NTM: variants seen among roughly 807,000 people sequenced by gnomAD.
The protein encoded by NTM is IgLON family member 2.
NTM carries 13 observed loss-of-function variants against 42.1 expected under a neutral mutation model. The ratio of observed to expected loss-of-function variants is 0.31; its 90% CI spans 0.20 to 0.49. NTM has a LOEUF of 0.49. Among genes scored for constraint, NTM ranks in the 20% least tolerant of loss-of-function variants. The pLI, the probability that NTM is intolerant of heterozygous loss-of-function variation, is 0.99. For missense variants in NTM, 373 were observed against 452.8 expected, an observed-to-expected ratio of 0.82 and a Z score of 1.60; for synonymous variants, 187 against 179.2, an observed-to-expected ratio of 1.04 and a Z score of -0.35.
chr11:131,788,362 A>G (rs2089614456), intron 1 of NTM, among the ~76,000 whole-genome samples: 1 of 152,052 alleles, frequency 6.6e-6, no homozygotes, highest in Non-Finnish European at 1.5e-5. Flanking sequence ...ATAATTGCCT[A>G]TATATTATAT....
At chr11:131,674,722 ATTTCC>A (rs1485386449) in intron 1 of NTM, among the ~76,000 whole-genome samples, 6 of 152,076 alleles carry the variant, frequency 3.9e-5, no homozygotes, top group Non-Finnish European at 7.4e-5. Context: ...TGCAAGCCTG[ATTTCC>A]CTGTCTGGTT....
intron 1 of NTM, among the ~76,000 whole-genome samples, chr11:131,588,996 C>A (rs369145584): frequency 6.6e-6 from 1 of 152,126 alleles, no homozygotes; most frequent in South Asian, 2.1e-4. Context: ...TGGAGCCTCA[C>A]GCTGCAGAGG....
At chr11:132,129,357 T>G (rs2066423428) in intron 2 of NTM, among the ~76,000 whole-genome samples, 1 of 152,198 alleles carries the variant, frequency 6.6e-6, no homozygotes, top group Non-Finnish European at 1.5e-5. Flanking sequence ...ATTCAGAGTC[T>G]CTGGCACTAT....
intron 7 of NTM, 133 bp from the exon 8 acceptor site, chr11:132,330,020 G>A: frequency 1.4e-6 from 2 of 1,417,850 alleles, no homozygotes; most frequent in Non-Finnish European, 1.9e-6. Context: ...AGGACAGCAA[G>A]GGACATGGGC....
intron 1 of NTM, among the ~76,000 whole-genome samples, chr11:131,458,643 C>T (rs1006237113): frequency 6.6e-6 from 1 of 152,206 alleles, no homozygotes; most frequent in Non-Finnish European, 1.5e-5. Flanking sequence ...TGTCTTATCT[C>T]TAGCACCTAG....
At chr11:131,986,524 T>C (rs556965485) in intron 2 of NTM, among the ~76,000 whole-genome samples, 3 of 152,354 alleles carry the variant, frequency 2.0e-5, no homozygotes. Flanking sequence ...TATCATGTCA[T>C]GAAATATGTG....
chr11:132,041,648 G>A (rs1447038867), intron 2 of NTM, among the ~76,000 whole-genome samples: 1 of 152,138 alleles, frequency 6.6e-6, no homozygotes, highest in Non-Finnish European at 1.5e-5. Flanking sequence ...TCTCTCCACG[G>A]TAAATGGGAG....
intron 1 of NTM, among the ~76,000 whole-genome samples, chr11:131,495,818 A>C (rs1164028934): frequency 6.6e-6 from 1 of 152,132 alleles, no homozygotes; most frequent in East Asian, 1.9e-4. Context: ...CTCCCAGCCA[A>C]CCCTAACTGA....
intron 1 of NTM, among the ~76,000 whole-genome samples, chr11:131,432,613 A>G (rs1948740834): frequency 6.6e-6 from 1 of 152,070 alleles, no homozygotes; most frequent in Non-Finnish European, 1.5e-5. Flanking sequence ...AAAATCGTGT[A>G]TTTTTTGTGA....
chr11:131,762,986 C>T (rs777868256), intron 1 of NTM, among the ~76,000 whole-genome samples: 3 of 152,214 alleles, frequency 2.0e-5, no homozygotes, highest in Non-Finnish European at 2.9e-5. Flanking sequence ...ATTCAAACAA[C>T]GGGCTCGGTT....
At chr11:132,298,893 T>TAC (rs58560034) in intron 4 of NTM, among the ~76,000 whole-genome samples, 3,153 of 151,266 alleles carry the variant, frequency 0.021, 57 homozygotes, top group African/African-American at 0.059. Flanking sequence ...TATGTGTGTA[T>TAC]ACACACACAC....
chr11:131,797,843 G>C (rs2091739319), intron 1 of NTM, among the ~76,000 whole-genome samples: 1 of 152,104 alleles, frequency 6.6e-6, no homozygotes, highest in East Asian at 1.9e-4. Flanking sequence ...ATCTCACCTT[G>C]TATCATATAA....
intron 2 of NTM, among the ~76,000 whole-genome samples, chr11:131,995,867 A>C (rs1307101427): frequency 6.6e-6 from 1 of 151,656 alleles, no homozygotes; most frequent in South Asian, 2.1e-4. Context: ...GAAAATAGGA[A>C]TTAAGGCAGG....
intron 1 of NTM, among the ~76,000 whole-genome samples, chr11:131,556,563 ATTTTTTTTTT>A (rs34911090): frequency 1.0e-5 from 1 of 98,434 alleles, no homozygotes; most frequent in South Asian, 3.3e-4. Context: ...ACACATAGGA[ATTTTTTTTTT>A]TTTTTTTTTT....
chr11:131,671,372 G>A (rs2070199282), intron 1 of NTM: 4 of 947,744 alleles, frequency 4.2e-6, no homozygotes, highest in Non-Finnish European at 5.0e-6. Context: ...GGAAGGCCAG[G>A]GACACCTGTC....
At chr11:131,464,038 C>T (rs117373315) in intron 1 of NTM, among the ~76,000 whole-genome samples, 125 of 152,360 alleles carry the variant, frequency 8.2e-4, no homozygotes, top group Non-Finnish European at 1.4e-3. Context: ...GCTTTCTAGG[C>T]AGTTTCCCCG....
At chr11:132,008,921 A>G (rs961463261) in intron 2 of NTM, among the ~76,000 whole-genome samples, 6 of 146,682 alleles carry the variant, frequency 4.1e-5, no homozygotes, top group African/African-American at 1.5e-4. Flanking sequence ...CTTTTTAATT[A>G]AGAGCGAATG....
chr11:132,194,156 A>G (rs185684623), intron 3 of NTM, among the ~76,000 whole-genome samples: 8 of 152,222 alleles, frequency 5.3e-5, no homozygotes, highest in Non-Finnish European at 7.4e-5. Context: ...ACAAACAACA[A>G]CAACAACAAC....
At chr11:132,026,821 G>A (rs1180517208) in intron 2 of NTM, among the ~76,000 whole-genome samples, 1 of 152,186 alleles carries the variant, frequency 6.6e-6, no homozygotes, top group African/African-American at 2.4e-5. Context: ...TTGTGGGACT[G>A]GTTTGAACAA....
Sources: allele counts gnomAD v4.1 joint callset (sites outside exome capture counted in the v4.1 genomes callset), GRCh38; gene constraint gnomAD v4.1.1; transcripts MANE v1.5; gene names NCBI Gene and HGNC (gene_info 2026-07-23, HGNC 2026-07-21).